Variants in KANSL1 observed in about 807,000 individuals in gnomAD.
KANSL1 encodes the protein KAT8 regulatory NSL complex subunit 1.
A neutral mutation model predicts 103.6 loss-of-function variants in KANSL1; 22 were observed. That is an observed-to-expected ratio of 0.21 (90% CI 0.15 to 0.30). KANSL1 has a LOEUF of 0.30. Among genes scored for constraint, KANSL1 ranks in the 10% least tolerant of loss-of-function variants. The pLI is 1.00. For synonymous variants in KANSL1, 600 were observed against 527.6 expected, an observed-to-expected ratio of 1.14 and a Z score of -1.88; for missense variants, 1,337 against 1,399.8, an observed-to-expected ratio of 0.96 and a Z score of 0.72.
chr17:46,039,936 G>C (rs770813692), intron 7 of KANSL1, 52 bp from the exon 8 acceptor site: 4 of 1,539,784 alleles, frequency 2.6e-6, no homozygotes, highest in Admixed American at 3.4e-5. Context: ...GGCCTCTCTA[G>C]TGTTCAAGAC....
At chr17:46,161,643 G>A (rs1038540291) in intron 2 of KANSL1, among the ~76,000 whole-genome samples, 3 of 152,198 alleles carry the variant, frequency 2.0e-5, no homozygotes, top group Non-Finnish European at 4.4e-5. Flanking sequence ...ACATATACAA[G>A]GGTATTCAAT....
At chr17:46,089,484 A>T (rs1345806568) in intron 3 of KANSL1, among the ~76,000 whole-genome samples, 1 of 151,008 alleles carries the variant, frequency 6.6e-6, no homozygotes, top group Non-Finnish European at 1.5e-5. Context: ...AAGCCCCACC[A>T]TCCCTCCAAT....
intron 2 of KANSL1, among the ~76,000 whole-genome samples, chr17:46,133,333 T>G (rs915103787): frequency 6.6e-6 from 1 of 152,182 alleles, no homozygotes; most frequent in African/African-American, 2.4e-5. Context: ...TCATACCACC[T>G]TAGCTGCAAT....
At chr17:46,159,494 C>T (rs1021586955) in intron 2 of KANSL1, among the ~76,000 whole-genome samples, 1 of 152,336 alleles carries the variant, frequency 6.6e-6, no homozygotes, top group Non-Finnish European at 1.5e-5. Flanking sequence ...TACTCAGACA[C>T]TGAAATGACA....
rs555446252 is a variant in KANSL1 at position 46,066,895 on chromosome 17, G to A, written c.1653-163C>T. 4.6e-5 allele frequency among the ~76,000 whole-genome samples: 7 copies of A among 152,320 alleles called. No homozygotes were observed. The East Asian group carries it at 1.4e-3, about 29-fold the overall frequency. On this transcript the variant is annotated intron_variant, in intron 5 of 14. Coordinates refer to ENST00000432791, the MANE Select transcript of KANSL1 (RefSeq NM_015443.4). Reference sequence around the variant, plus strand: ...CTAGAGCAGAAGCAGGTCTCCTCTTGATGTCTGTTAATCTACCTGTGTGTG... The same window carrying A: ...CTAGAGCAGAAGCAGGTCTCCTCTTAATGTCTGTTAATCTACCTGTGTGTG...
At chr17:46,108,629 C>T (rs1388966406) in intron 2 of KANSL1, among the ~76,000 whole-genome samples, 3 of 152,170 alleles carry the variant, frequency 2.0e-5, no homozygotes, top group African/African-American at 7.2e-5. Context: ...TAGCAAATGG[C>T]AGGTACTCAA....
rs1440247052 is a variant in KANSL1, at chr17:46,221,024, C to T, written c.-90+2647G>A. The stretch of plus-strand genomic sequence containing the variant: ...TTTTTTTTTTTTTTGCATACATACA[C>T]CAATGCAAATTATCTTTTTCTCCTG... On this transcript the variant is annotated intron_variant, in intron 1 of 14. Coordinates refer to the KANSL1 transcript ENST00000572904. Among the ~76,000 whole-genome samples the T allele has an allele frequency of 4.0e-5, 6 of 151,304 alleles. No homozygotes were observed. In the South Asian group the frequency reaches 8.3e-4, roughly 21 times the overall value.
intron 4 of KANSL1, among the ~76,000 whole-genome samples, chr17:46,074,449 AAAC>A (rs139901519): frequency 1.4e-4 from 21 of 152,280 alleles, no homozygotes; most frequent in African/African-American, 5.1e-4. Flanking sequence ...ACCCTTTAGT[AAAC>A]AACACAGCAA....
chr17:46,074,763 CTAAA>C (rs71138522), intron 4 of KANSL1, among the ~76,000 whole-genome samples: 33,518 of 142,250 alleles, frequency 0.24, 4,086 homozygotes, highest in African/African-American at 0.29. Flanking sequence ...GACCCTATCT[CTAAA>C]TAAATAAATA....
intron 2 of KANSL1, among the ~76,000 whole-genome samples, chr17:46,134,139 T>C (rs1007342666): frequency 2.6e-5 from 4 of 152,220 alleles, no homozygotes; most frequent in African/African-American, 9.6e-5. Context: ...GGCTCACGCC[T>C]GTACTCCCAG....
chr17:46,168,319 T>C (rs2046108218), intron 2 of KANSL1, among the ~76,000 whole-genome samples: 2 of 152,204 alleles, frequency 1.3e-5, no homozygotes, highest in Admixed American at 6.5e-5. Context: ...TTAAAGTATT[T>C]ATGCTTTACT....
At chr17:46,076,593 C>A (rs1284903750) in intron 4 of KANSL1, among the ~76,000 whole-genome samples, 1 of 115,634 alleles carries the variant, frequency 8.6e-6, no homozygotes, top group Non-Finnish European at 2.3e-5. Context: ...AAAAACAACA[C>A]AACATAAACC....
intron 6 of KANSL1, among the ~76,000 whole-genome samples, chr17:46,055,153 G>A (rs951158155): frequency 2.0e-5 from 3 of 149,276 alleles, no homozygotes; most frequent in Non-Finnish European, 3.0e-5. Context: ...CCGGCCCAAA[G>A]TAAGTTTTAT....
At chr17:46,152,586 G>GC (rs2045175935) in intron 2 of KANSL1, among the ~76,000 whole-genome samples, 1 of 145,730 alleles carries the variant, frequency 6.9e-6, no homozygotes, top group Non-Finnish European at 1.5e-5. Context: ...ACACAAAGGG[G>GC]GGGGGGGGAT....
At chr17:46,100,013 G>A (rs147090428) in intron 2 of KANSL1, among the ~76,000 whole-genome samples, 19 of 152,262 alleles carry the variant, frequency 1.2e-4, no homozygotes, top group African/African-American at 3.6e-4. Flanking sequence ...GTTTACATAA[G>A]AAATATTTGT....
Position 46,031,383 on chromosome 17 carries a change from T to C in KANSL1, c.*93A>G, listed in dbSNP as rs1448378807. ...TTAAGTTCACTAAAAACTGTGAAAA[T>C]TTCCGGCATATGATGTTTGAATATC... On this transcript the variant is annotated 3_prime_UTR_variant, in exon 15 of 15. Coordinates refer to ENST00000432791, the MANE Select transcript of KANSL1 (RefSeq NM_015443.4). 7.5e-6 allele frequency: 9 copies of C among 1,198,476 alleles called. No individual in the cohort carries two copies. Among genetic ancestry groups the C allele is most frequent in the South Asian group, 1.6e-5 (1 of 61,694 alleles). The allele number at this position is 1,198,476 out of a possible 1,614,324, so 74.2% of individuals were successfully genotyped here. A position where few individuals can be genotyped will look rare whatever the true frequency, so the allele number is the denominator to read the frequency against.
intron 1 of KANSL1, among the ~76,000 whole-genome samples, chr17:46,218,824 G>C (rs1257683017): frequency 6.6e-6 from 1 of 152,076 alleles, no homozygotes. Flanking sequence ...AACAGTAGTA[G>C]TCCACTGAAC....
intron 5 of KANSL1, among the ~76,000 whole-genome samples, chr17:46,067,005 G>C (rs1357459051): frequency 6.6e-6 from 1 of 152,196 alleles, no homozygotes; most frequent in Non-Finnish European, 1.5e-5. Context: ...TCTAGTGATT[G>C]AGTTCTCCTC....
At chr17:46,122,799 G>A (rs1219447616) in intron 2 of KANSL1, among the ~76,000 whole-genome samples, 1 of 152,162 alleles carries the variant, frequency 6.6e-6, no homozygotes, top group Non-Finnish European at 1.5e-5. Context: ...CACTGCCATT[G>A]TAATTTCTGG....
Sources: gnomAD v4.1 joint callset for allele counts (sites outside exome capture counted in the v4.1 genomes callset) on GRCh38, gnomAD v4.1.1 for gene constraint, MANE v1.5 for transcripts, NCBI Gene and HGNC (gene_info 2026-07-23, HGNC 2026-07-21) for gene names.